PCDHGA3: variants seen among roughly 807,000 people sequenced by gnomAD.
The protein encoded by PCDHGA3 is protocadherin gamma-A3.
PCDHGA3 carries 40 observed loss-of-function variants against 58.5 expected under a neutral mutation model. The ratio of observed to expected loss-of-function variants is 0.68; its 90% confidence interval spans 0.53 to 0.89. The LOEUF is 0.89. Among genes scored for constraint, PCDHGA3 ranks in the 40% least tolerant of loss-of-function variants. The probability of loss-of-function intolerance (pLI) is 0.00; values close to 1 mark genes in which losing one functional copy is unlikely to be tolerated. For synonymous variants in PCDHGA3, 530 were observed against 525.7 expected (o/e 1.01, Z -0.11); for missense variants, 1,223 against 1,195.9 (o/e 1.02, Z -0.33).
In PCDHGA3 at chr5:141,451,935, A is replaced by G. The variant is rs148815534; in HGVS notation, c.2425-42872A>G. Among the ~76,000 whole-genome samples, 120 of 152,282 alleles carry G rather than the reference A, an allele frequency of 7.9e-4. 5 individuals carry two copies. The East Asian group carries it at 0.017, about 21-fold the overall frequency. ...GAGGAAGGAAGGGAGGTAGGGAGGC[A>G]GGGAAAGACCGAGAAAGTGACATAC... On this transcript the variant is annotated intron_variant, in intron 1 of 3. Coordinates refer to ENST00000253812, the MANE Select transcript of PCDHGA3 (RefSeq NM_018916.4).
chr5:141,356,280 T>G (rs754910661), intron 1 of PCDHGA3: 15 of 1,558,302 alleles, frequency 9.6e-6, no homozygotes, highest in South Asian at 5.9e-5. Flanking sequence ...AGGAATCTTC[T>G]TCCCCGGGTA....
chr5:141,440,393 G>A (rs1444541990), intron 1 of PCDHGA3: 1 of 152,180 alleles, frequency 6.6e-6, no homozygotes, highest in Admixed American at 6.5e-5. Flanking sequence ...TTGAACCCGA[G>A]AGGCAATCGC....
rs1322608789 is a variant in PCDHGA3, at chr5:141,485,671, G to A, written c.2425-9136G>A. 3 of 1,612,860 alleles carry A rather than the reference G, an allele frequency of 1.9e-6. No homozygotes were observed. The highest frequency in any genetic ancestry group is 2.5e-6 in the Non-Finnish European group (3 of 1,179,040). On this transcript the variant is annotated intron_variant, in intron 1 of 3. Coordinates refer to ENST00000253812, the MANE Select transcript of PCDHGA3 (RefSeq NM_018916.4). This position sits in a 1 kb window ranked among gnomAD's most constrained non-coding sequence, Gnocchi z 5.7. Reference sequence around the variant, plus strand: ...AGGATGCAGATGTGGGGAGCAATTCGATTAGCAGCTATAGGCTGAGCTCCA... The same window carrying A: ...AGGATGCAGATGTGGGGAGCAATTCAATTAGCAGCTATAGGCTGAGCTCCA...
chr5:141,478,323 G>C, intron 1 of PCDHGA3: 1 of 1,613,958 alleles, frequency 6.2e-7, no homozygotes, highest in Non-Finnish European at 8.5e-7. Flanking sequence ...TCACTGTACC[G>C]AACACCAGGG....
intron 1 of PCDHGA3, chr5:141,376,210 C>G (rs112869528): frequency 6.2e-7 from 1 of 1,614,162 alleles, no homozygotes; most frequent in Non-Finnish European, 8.5e-7. Context: ...CCTTCGTCAT[C>G]GTGCTGCTGG....
At chr5:141,384,470 A>G in intron 1 of PCDHGA3, 1 of 1,614,120 alleles carries the variant, frequency 6.2e-7, no homozygotes, top group South Asian at 1.1e-5. Context: ...GATTATGAGC[A>G]GTTGAGAGAA....
intron 1 of PCDHGA3, among the ~76,000 whole-genome samples, chr5:141,456,818 G>A (rs1214373156): frequency 1.3e-5 from 2 of 151,890 alleles, no homozygotes; most frequent in Admixed American, 6.6e-5. Context: ...CAAAAAATTA[G>A]CCATCGTGGT....
At chr5:141,430,950 T>C (rs756423770) in intron 1 of PCDHGA3, 5 of 1,609,980 alleles carry the variant, frequency 3.1e-6, no homozygotes, top group East Asian at 2.2e-5. Flanking sequence ...GAGCGCGGAG[T>C]CCGCATCATC....
intron 1 of PCDHGA3, among the ~76,000 whole-genome samples, chr5:141,452,019 C>T (rs1227308101): frequency 3.3e-5 from 5 of 152,194 alleles, no homozygotes; most frequent in African/African-American, 1.2e-4. Flanking sequence ...AGCCCACACT[C>T]TGGGGAGATG....
chr5:141,421,446 A>G, intron 1 of PCDHGA3: 1 of 1,614,106 alleles, frequency 6.2e-7, no homozygotes, highest in Non-Finnish European at 8.5e-7. Flanking sequence ...GAGGGAAGAC[A>G]CAGCTTTTCG....
intron 1 of PCDHGA3, chr5:141,427,676 T>G: frequency 1.2e-6 from 1 of 813,766 alleles, no homozygotes; most frequent in Non-Finnish European, 2.1e-6. Flanking sequence ...AAAACAACCT[T>G]CCCGGAGCCT....
Position 141,448,649 on chromosome 5 carries a change from T to C in PCDHGA3, c.2425-46158T>C, listed in dbSNP as rs181402439. 1.4e-3 allele frequency among the ~76,000 whole-genome samples: 218 copies of C among 152,220 alleles called. 1 individual carries two copies. Among genetic ancestry groups the C allele is most frequent in the African/African-American group, 5.0e-3 (206 of 41,530 alleles). On this transcript the variant is annotated intron_variant, in intron 1 of 3. Transcript: ENST00000253812. ...CTTCACATTATATCCTTTAAAAATA[T>C]TTCCATATTGGCCGGGCGCGGTGGC...
chr5:141,421,838 A>G (rs2096604619), intron 1 of PCDHGA3: 1 of 1,613,764 alleles, frequency 6.2e-7, no homozygotes, highest in East Asian at 2.2e-5. Flanking sequence ...CTGGACCGAG[A>G]GAAAGAGGCT....
At position 141,345,710 on chromosome 5, in the gene PCDHGA3, G is replaced by A; in HGVS notation, c.1677G>A (p.Ala559=). The part of the protein sequence containing the change: ...NLFVLDQNDN[A]PEILYPALPT... Reference sequence around the variant, plus strand: ...TCGTGCTGGACCAGAACGACAACGCGCCCGAGATCCTGTACCCCGCCCTCC... The same window carrying A: ...TCGTGCTGGACCAGAACGACAACGCACCCGAGATCCTGTACCCCGCCCTCC... The change falls in exon 1 of 4, where the codon GCG becomes GCA. Residue 559 remains alanine, a synonymous_variant. Coordinates refer to ENST00000253812, the MANE Select transcript of PCDHGA3 (RefSeq NM_018916.4). 2 of 1,614,194 alleles carry A rather than the reference G, an allele frequency of 1.2e-6. No individual in the cohort carries two copies. Among genetic ancestry groups the A allele is most frequent in the African/African-American group, 1.3e-5 (1 of 75,038 alleles).
intron 1 of PCDHGA3, among the ~76,000 whole-genome samples, chr5:141,401,612 C>A (rs1190962219): frequency 6.6e-6 from 1 of 152,146 alleles, no homozygotes; most frequent in Non-Finnish European, 1.5e-5. Context: ...AAAAAGACAC[C>A]GGATTTGTCT....
chr5:141,428,594 G>A (rs1317075888), intron 1 of PCDHGA3: 4 of 227,916 alleles, frequency 1.8e-5, no homozygotes, highest in African/African-American at 9.1e-5. Context: ...CTGGTAGCAA[G>A]CTTCACTGAA....
intron 1 of PCDHGA3, chr5:141,415,605 G>T: frequency 1.2e-6 from 2 of 1,613,122 alleles, no homozygotes; most frequent in Non-Finnish European, 1.7e-6. Flanking sequence ...ATACCCCATT[G>T]GTTCCAGTGA....
chr5:141,397,876 C>A (rs2093580679), intron 1 of PCDHGA3: 1 of 579,756 alleles, frequency 1.7e-6, no homozygotes, highest in East Asian at 2.9e-5. Flanking sequence ...TGACTCTGGG[C>A]GCCGCTGTTG....
chr5:141,369,441 A>T (rs1766249196), intron 1 of PCDHGA3, among the ~76,000 whole-genome samples: 1 of 152,152 alleles, frequency 6.6e-6, no homozygotes, highest in African/African-American at 2.4e-5. Flanking sequence ...CTGAGGTGGG[A>T]GGATTGCTTA....
Sources: allele counts gnomAD v4.1 joint callset (sites outside exome capture counted in the v4.1 genomes callset), GRCh38; gene constraint gnomAD v4.1.1; non-coding constraint Gnocchi (gnomAD v3.1); transcripts MANE v1.5; gene names NCBI Gene and HGNC (gene_info 2026-07-23, HGNC 2026-07-21).